Variants in SLIT3 observed in about 807,000 individuals in gnomAD.
SLIT3 encodes the protein slit guidance ligand 3, also known as slit homolog 3 protein.
A neutral mutation model predicts 184.0 loss-of-function variants in SLIT3; 68 were observed. The observed-to-expected ratio is 0.37, with a 90% CI of 0.30 to 0.45. The LOEUF is 0.45. Ranked by LOEUF, SLIT3 falls within the 20% of genes least tolerant of loss-of-function variation. The pLI is 1.00. For synonymous variants in SLIT3, 831 were observed against 828.6 expected (o/e 1.00, Z -0.05); for missense variants, 1,707 against 2,026.0 (o/e 0.84, Z 3.02).
Position 168,665,102 on chromosome 5 carries a change from C to T in SLIT3, c.*1352G>A, listed in dbSNP as rs2113144585. The T allele has an allele frequency of 6.6e-6, 1 of 152,384 alleles. No individual in the cohort carries two copies. Among genetic ancestry groups the T allele is most frequent in the East Asian group, 1.9e-4 (1 of 5,186 alleles). 9.4% of individuals were successfully genotyped at this position (152,384 alleles called of 1,614,324 possible). On this transcript the variant is annotated 3_prime_UTR_variant, in exon 36 of 36. Transcript: ENST00000519560. ...AAGAATCTCAAGCTTTGGGTCTGGA[C>T]TTCTGGTCTGGCTCCTCCACTTATC...
chr5:168,796,283 T>G (rs998070207), intron 9 of SLIT3, among the ~76,000 whole-genome samples: 2 of 152,158 alleles, frequency 1.3e-5, no homozygotes, highest in Non-Finnish European at 2.9e-5. Flanking sequence ...CAAGAGACGC[T>G]GCAGGCCCAG....
At chr5:169,046,537 G>T (rs562837170) in intron 4 of SLIT3, among the ~76,000 whole-genome samples, 15 of 152,314 alleles carry the variant, frequency 9.8e-5, no homozygotes, top group African/African-American at 3.6e-4. Context: ...ACTTGGAGCA[G>T]ATCAGAACTG....
Position 168,842,480 on chromosome 5 carries a change from T to G in SLIT3, c.557+2104A>C, listed in dbSNP as rs199932499. 1.5e-3 allele frequency among the ~76,000 whole-genome samples: 144 copies of G among 96,330 alleles called. 4 individuals are homozygous for G. The South Asian group carries it at 0.041, about 27-fold the overall frequency. 63.2% of individuals were successfully genotyped at this position (96,330 alleles called of 152,430 possible). A position where few individuals can be genotyped will look rare whatever the true frequency, so the allele number is the denominator to read the frequency against. On this transcript the variant is annotated intron_variant, in intron 6 of 35. Coordinates refer to ENST00000519560, the MANE Select transcript of SLIT3 (RefSeq NM_003062.4). ...GATACCGTTTTTTCGTTTTTTTTTT[T>G]TTTTTTTGTATCTGAGTAGAGGAGA...
chr5:168,831,091 C>T (rs759990976), intron 6 of SLIT3, among the ~76,000 whole-genome samples: 7 of 152,280 alleles, frequency 4.6e-5, no homozygotes, highest in South Asian at 2.1e-4. Flanking sequence ...GTCCCAAAGG[C>T]GTCTAAGGTC....
Position 168,753,879 on chromosome 5 carries a change from C to G in SLIT3, c.1814G>C (p.Ser605Thr), listed in dbSNP as rs370467648. Residue 605 changes from serine (S) to threonine (T), a missense_variant, in exon 17 of 36, where the codon AGT (serine) becomes ACT (threonine). By Grantham distance (58) the Ser-to-Thr change is moderately conservative (BLOSUM62 1). This residue lies in a region of SLIT3 where 1,307 missense variants were observed against 1,511.6 expected (regional missense o/e 0.86). Transcript: ENST00000519560. ...TVHGRVFRGL[S>T]GLKTLMLRSN... Reference sequence around the variant, plus strand: ...AGGCACTCACAAGGTTTTGAGGCCACTGAGGCCACGGAACACGCGCCCGTG... The same window carrying G: ...AGGCACTCACAAGGTTTTGAGGCCAGTGAGGCCACGGAACACGCGCCCGTG... The G allele has an allele frequency of 6.2e-7, 1 of 1,611,258 alleles. No individual in the cohort carries two copies. The highest frequency in any genetic ancestry group is 2.2e-5 in the East Asian group (1 of 44,886).
chr5:169,112,998 T>A (rs961059337), intron 4 of SLIT3, among the ~76,000 whole-genome samples: 8 of 152,166 alleles, frequency 5.3e-5, no homozygotes, highest in African/African-American at 1.9e-4. Flanking sequence ...CTATCACCCA[T>A]CTATTTGTAA....
chr5:168,976,461 G>GCTAA (rs1329659441), intron 4 of SLIT3, among the ~76,000 whole-genome samples: 9 of 152,248 alleles, frequency 5.9e-5, no homozygotes, highest in South Asian at 2.1e-4. Flanking sequence ...AGCATTCCAT[G>GCTAA]CTAACCATCA....
At chr5:168,674,161 G>A (rs994196206) in intron 32 of SLIT3, among the ~76,000 whole-genome samples, 1 of 152,140 alleles carries the variant, frequency 6.6e-6, no homozygotes, top group Non-Finnish European at 1.5e-5. Context: ...CACTTTTGGG[G>A]AAATACTGCC....
intron 4 of SLIT3, among the ~76,000 whole-genome samples, chr5:168,981,633 C>T (rs973261559): frequency 6.6e-6 from 1 of 152,230 alleles, no homozygotes; most frequent in Non-Finnish European, 1.5e-5. Context: ...CCAAGCACTG[C>T]TGCCCCCATC....
chr5:168,765,790 G>T (rs748949000), intron 14 of SLIT3, among the ~76,000 whole-genome samples: 1 of 152,086 alleles, frequency 6.6e-6, no homozygotes, highest in Non-Finnish European at 1.5e-5. Flanking sequence ...ACTCAACCTC[G>T]GCTGAAACCA....
At chr5:169,011,114 T>TG (rs1489300491) in intron 4 of SLIT3, among the ~76,000 whole-genome samples, 2 of 152,114 alleles carry the variant, frequency 1.3e-5, no homozygotes, top group Non-Finnish European at 2.9e-5. Flanking sequence ...AACCAACACC[T>TG]GCTTCAGCCT....
At chr5:168,746,816 G>A (rs1754467807) in intron 20 of SLIT3, among the ~76,000 whole-genome samples, 2 of 89,040 alleles carry the variant, frequency 2.2e-5, no homozygotes, top group African/African-American at 8.6e-5. Context: ...GGTGTGTGGT[G>A]TGTGAGTGTG....
chr5:169,116,014 G>A (rs916450049), intron 4 of SLIT3, among the ~76,000 whole-genome samples: 8 of 152,154 alleles, frequency 5.3e-5, no homozygotes, highest in Non-Finnish European at 1.0e-4. Context: ...CCAGTGACAA[G>A]TTCCCAGCTA....
intron 3 of SLIT3, among the ~76,000 whole-genome samples, chr5:169,194,532 C>T (rs1009899549): frequency 5.3e-5 from 8 of 152,016 alleles, no homozygotes; most frequent in South Asian, 2.1e-4. Context: ...ATAACTATGT[C>T]GGTATAAATG....
Position 169,215,480 on chromosome 5 carries a change from G to A in SLIT3, c.342-21930C>T, listed in dbSNP as rs1456135623. On this transcript the variant is annotated intron_variant, in intron 3 of 35. Transcript: ENST00000519560. The stretch of plus-strand genomic sequence containing the variant: ...AACCCTTTCTGTAAAGAGCCAAACA[G>A]TAATTACTCTGGGCTTTGTAGGCTC... Among the ~76,000 whole-genome samples the A allele has an allele frequency of 5.3e-5, 8 of 150,890 alleles. No individual in the cohort carries two copies. The Admixed American group carries it at 5.3e-4, about 10-fold the overall frequency.
chr5:169,214,974 A>C (rs1342933107), intron 3 of SLIT3, among the ~76,000 whole-genome samples: 2 of 152,128 alleles, frequency 1.3e-5, no homozygotes, highest in East Asian at 3.9e-4. Flanking sequence ...GCATTACTGA[A>C]AGGGGCACCT....
chr5:169,149,749 CAG>C (rs1762050523), intron 4 of SLIT3, among the ~76,000 whole-genome samples: 1 of 152,228 alleles, frequency 6.6e-6, no homozygotes, highest in African/African-American at 2.4e-5. Context: ...CAAATTCCAA[CAG>C]ATTCTTCTCT....
At chr5:169,296,648 C>G (rs972293417) in intron 1 of SLIT3, among the ~76,000 whole-genome samples, 1 of 152,188 alleles carries the variant, frequency 6.6e-6, no homozygotes, top group Admixed American at 6.5e-5. Context: ...CCTCTGTGGT[C>G]AAGTGAGGGA....
chr5:169,125,312 C>T (rs1761042725), intron 4 of SLIT3, among the ~76,000 whole-genome samples: 1 of 152,156 alleles, frequency 6.6e-6, no homozygotes, highest in African/African-American at 2.4e-5. Flanking sequence ...TCCCAAAGTG[C>T]TTGGGATTAT....
Sources: allele counts gnomAD v4.1 joint callset (sites outside exome capture counted in the v4.1 genomes callset), GRCh38; gene constraint gnomAD v4.1.1; regional missense constraint gnomAD v4.1.1; transcripts MANE v1.5; gene names NCBI Gene and HGNC (gene_info 2026-07-23, HGNC 2026-07-21).